FCHSD1: variants seen among roughly 807,000 people sequenced by gnomAD.
The protein encoded by FCHSD1 is FCH and double SH3 domains 1.
Under a neutral mutation model 101.3 loss-of-function variants are expected in FCHSD1, and 109 were observed. The ratio of observed to expected loss-of-function variants is 1.08; its 90% CI spans 0.92 to 1.26. The LOEUF is 1.26. FCHSD1 is among the 50% of genes most tolerant of loss of function. The pLI is 0.00. For missense variants in FCHSD1, 820 were observed against 895.8 expected, an observed-to-expected ratio of 0.92 and a Z score of 1.08; for synonymous variants, 291 against 356.8, an observed-to-expected ratio of 0.82 and a Z score of 2.08.
At chr5:141,646,508 C>T (rs763040986) in intron 11 of FCHSD1, 95 bp downstream of exon 11, 15 of 1,494,870 alleles carry the variant, frequency 1.0e-5, no homozygotes, top group African/African-American at 1.4e-5. Context: ...CCCTCTGTAG[C>T]TCCATGACAC....
In FCHSD1 at chr5:141,649,062, G is replaced by A. The variant is rs201374942; in HGVS notation, c.513-42C>T. 2 of 1,613,876 alleles carry A rather than the reference G, an allele frequency of 1.2e-6. No individual in the cohort carries two copies. Among genetic ancestry groups the A allele is most frequent in the African/African-American group, 1.3e-5 (1 of 75,004 alleles). Reference sequence around the variant, plus strand: ...AAGGAGTCAGGCCCACCCCAAGTGGGAGAATATGAGATCAGAGTCAGGCCC... The same window carrying A: ...AAGGAGTCAGGCCCACCCCAAGTGGAAGAATATGAGATCAGAGTCAGGCCC... On this transcript the variant is annotated intron_variant, in intron 6 of 19. Coordinates refer to ENST00000435817, the MANE Select transcript of FCHSD1 (RefSeq NM_033449.3). This position sits in a 1 kb window ranked among gnomAD's most constrained non-coding sequence, Gnocchi z 4.1.
chr5:141,648,731 C>T (rs1304477905), intron 7 of FCHSD1, among the ~76,000 whole-genome samples: 2 of 152,106 alleles, frequency 1.3e-5, no homozygotes, highest in South Asian at 2.1e-4. Context: ...TATACAGATC[C>T]TCAATAAATG....
chr5:141,650,483 T>G, intron 2 of FCHSD1, 79 bp from the exon 3 acceptor site: 3 of 1,591,358 alleles, frequency 1.9e-6, no homozygotes, highest in Non-Finnish European at 2.6e-6. Flanking sequence ...AGTCCTCTAC[T>G]CTGGGCAGGA....
chr5:141,647,282 C>T (rs369341926), intron 9 of FCHSD1, 52 bp from the exon 10 acceptor site: 4 of 1,573,664 alleles, frequency 2.5e-6, no homozygotes, highest in African/African-American at 1.3e-5. Context: ...ACTCTCCAAC[C>T]CTGTCCCTAG....
At position 141,644,371 on chromosome 5, in the gene FCHSD1, C is replaced by T. The variant is rs1452443212; in HGVS notation, c.1710G>A (p.Gly570=). The change falls in exon 17 of 20, where the codon GGG becomes GGA. Residue 570 remains glycine (G), a synonymous_variant. Coordinates refer to ENST00000435817, the MANE Select transcript of FCHSD1 (RefSeq NM_033449.3). ...CCCGGGGCAGCAGACGGATGAGTGC[C>T]CCCTCAGGGAAGCTCAGCTCCTCTG... is the stretch of plus-strand genomic sequence containing the variant. ...QSAEELSFPE[G]ALIRLLPRAQ... 4 of 1,613,946 alleles carry T rather than the reference C, an allele frequency of 2.5e-6. No individual in the cohort carries two copies. Among genetic ancestry groups the T allele is most frequent in the Non-Finnish European group, 3.4e-6 (4 of 1,179,870 alleles).
At chr5:141,651,316 C>G (rs1170815690) in intron 1 of FCHSD1, 32 bp downstream of exon 1, 1 of 1,552,654 alleles carries the variant, frequency 6.4e-7, no homozygotes. Context: ...TCCCCCAGCC[C>G]GCCAGGAGTC....
intron 12 of FCHSD1, 24 bp from the exon 13 acceptor site, chr5:141,645,956 A>T: frequency 6.4e-7 from 1 of 1,553,222 alleles, no homozygotes. Context: ...GAAGTAAGTT[A>T]GTGGAACCTG....
chr5:141,650,334 T>G (rs1363521851), intron 3 of FCHSD1, 25 bp downstream of exon 3: 1 of 1,613,562 alleles, frequency 6.2e-7, no homozygotes, highest in Non-Finnish European at 8.5e-7. Context: ...GAACAAGAGG[T>G]AAGGTCCAGA....
At position 141,641,507 on chromosome 5, in the gene FCHSD1, G is replaced by A; in HGVS notation, c.2064C>T (p.Pro688=). The change falls in exon 20 of 20, where the codon CCC becomes CCT. Residue 688 remains proline (P), a synonymous_variant. Transcript: ENST00000435817. ...AAGGCTTCCCTGGCCTTCAGGTGAG[G>A]GGATCTGGGTGGCCAGGATCCGGGG... ...AKAPDPGHPD[P]LT The A allele has an allele frequency of 1.3e-6, 2 of 1,498,114 alleles. No homozygotes were observed. The highest frequency in any genetic ancestry group is 1.8e-6 in the Non-Finnish European group (2 of 1,124,320). 92.8% of individuals were successfully genotyped at this position (1,498,114 alleles called of 1,614,324 possible).
Position 141,650,281 on chromosome 5 carries a change from G to A in FCHSD1, c.165+78C>T, listed in dbSNP as rs2099908207. On this transcript the variant is annotated intron_variant, in intron 3 of 19. Coordinates refer to ENST00000435817, the MANE Select transcript of FCHSD1 (RefSeq NM_033449.3). ...AGGCATCTGCTCTTGACCACAATAGGGATAGGTATGGACAGACATTACTGG... is the reference window on the plus strand; with the variant it reads ...AGGCATCTGCTCTTGACCACAATAGAGATAGGTATGGACAGACATTACTGG... 1.9e-6 allele frequency: 3 copies of A among 1,578,016 alleles called. No homozygotes were observed. In the East Asian group the frequency reaches 6.7e-5, roughly 35 times the overall value.
At position 141,648,989 on chromosome 5, in the gene FCHSD1, A is replaced by C. The variant is rs750999645; in HGVS notation, c.544T>G (p.Ser182Ala). The C allele has an allele frequency of 3.7e-6, 6 of 1,613,738 alleles. No homozygotes were observed. In the African/African-American group the frequency reaches 8.0e-5, roughly 22 times the overall value. ...LNRSDHGIFHSRTSLQKLSTK... is the reference protein window; with the variant it reads ...LNRSDHGIFHARTSLQKLSTK... ...CTCAGTTTCTGGAGACTGGTCCGAGAGTGGAAGATCCCATGGTCACTTCGG... is the reference window on the plus strand; with the variant it reads ...CTCAGTTTCTGGAGACTGGTCCGAGCGTGGAAGATCCCATGGTCACTTCGG... The change falls in exon 7 of 20, where the codon TCT (serine) becomes GCT (alanine). Residue 182 changes from serine to alanine, a missense_variant. Physicochemically the swap from Ser to Ala is moderately conservative, Grantham distance 99. Coordinates refer to ENST00000435817, the MANE Select transcript of FCHSD1 (RefSeq NM_033449.3).
chr5:141,651,126 G>A lies in FCHSD1; in HGVS notation c.22-9C>T. 2.5e-6 allele frequency: 4 copies of A among 1,575,668 alleles called. No homozygotes were observed. Among genetic ancestry groups the A allele is most frequent in the South Asian group, 1.2e-5 (1 of 86,004 alleles). ...TCCTGGGCCGGCTTCACCTGTGGGG[G>A]CAAAGAGAGGATGAAGACCCCAGCG... On this transcript the variant is annotated splice_polypyrimidine_tract_variant and intron_variant, in intron 1 of 19. Coordinates refer to ENST00000435817, the MANE Select transcript of FCHSD1 (RefSeq NM_033449.3).
chr5:141,647,578 A>G, intron 8 of FCHSD1, 58 bp from the exon 9 acceptor site: 1 of 1,594,168 alleles, frequency 6.3e-7, no homozygotes, highest in South Asian at 1.1e-5. Context: ...ACTGTAAAAT[A>G]GGCTCGTTCC....
chr5:141,643,848 CAAA>C (rs56206715), intron 17 of FCHSD1, among the ~76,000 whole-genome samples: 1 of 125,030 alleles, frequency 8.0e-6, no homozygotes, highest in East Asian at 2.5e-4. Context: ...AACTCTGTCT[CAAA>C]AAAAAAAAAA....
chr5:141,640,702 G>C lies in FCHSD1; in HGVS notation c.*796C>G, dbSNP rs1195971848. On this transcript the variant is annotated 3_prime_UTR_variant, in exon 20 of 20. Transcript: ENST00000435817. ...TCATTGTGCTGATGGACTACCAGCT[G>C]GCAGGGCCAGGGGGTGGGTGGGCGT... 2 of 1,533,168 alleles carry C rather than the reference G, an allele frequency of 1.3e-6. No homozygotes were observed. The highest frequency in any genetic ancestry group is 2.4e-5 in the South Asian group (2 of 83,612). 95.0% of individuals were successfully genotyped at this position (1,533,168 alleles called of 1,614,324 possible). A position where few individuals can be genotyped will look rare whatever the true frequency, so the allele number is the denominator to read the frequency against.
chr5:141,645,800 G>C lies in FCHSD1; in HGVS notation c.1282C>G (p.Arg428Gly). ...GGAGAGAGGTCCCTCTGGGACAGCC[G>C]AGCCTCACTGAGCCGCCGCTCCTGC... Reference protein sequence around the residue: ...VEQERRLSEARLSQRDLSPTA... With the variant: ...VEQERRLSEAGLSQRDLSPTA... The change falls in exon 13 of 20, where the codon CGG becomes GGG. Residue 428 changes from arginine (R) to glycine (G), a missense_variant. Physicochemically the swap from Arg to Gly is moderately radical, Grantham distance 125. Coordinates refer to ENST00000435817, the MANE Select transcript of FCHSD1 (RefSeq NM_033449.3). 6.2e-7 allele frequency: 1 copy of C among 1,609,760 alleles called. No individual in the cohort carries two copies. The highest frequency in any genetic ancestry group is 8.5e-7 in the Non-Finnish European group (1 of 1,178,336).
Position 141,649,995 on chromosome 5 carries a change from GA to G in FCHSD1, c.166-42del. On this transcript the variant is annotated intron_variant, in intron 3 of 19. Transcript: ENST00000435817. The surrounding 1 kb of genome is among the most constrained non-coding windows in gnomAD (Gnocchi z 4.1). ...TCACAGAACCAAGTTCCCTTTCAAAGACCCACCCCAACTGGCAGAATATGAC... is the reference window on the plus strand; with the variant it reads ...TCACAGAACCAAGTTCCCTTTCAAAGCCCACCCCAACTGGCAGAATATGAC... 6.6e-7 allele frequency: 1 copy of G among 1,513,620 alleles called. No individual in the cohort carries two copies. The highest frequency in any genetic ancestry group is 1.3e-5 in the South Asian group (1 of 79,142). 93.8% of individuals were successfully genotyped at this position (1,513,620 alleles called of 1,614,324 possible). A position where few individuals can be genotyped will look rare whatever the true frequency, so the allele number is the denominator to read the frequency against.
At position 141,643,230 on chromosome 5, in the gene FCHSD1, A is replaced by G. The variant is rs551710082; in HGVS notation, c.1864-142T>C. ...ATGCTTGCATTCGGTGGGGGGGTGT[A>G]GCTGACAAATATTTCAACAGCCAAT... On this transcript the variant is annotated intron_variant, in intron 17 of 19. Transcript: ENST00000435817. 11 of 560,056 alleles carry G rather than the reference A, an allele frequency of 2.0e-5. No individual in the cohort carries two copies. The African/African-American group carries it at 2.0e-4, about 10-fold the overall frequency. The allele number at this position is 560,056 out of a possible 1,614,324, so 34.7% of individuals were successfully genotyped here. A position where few individuals can be genotyped will look rare whatever the true frequency, so the allele number is the denominator to read the frequency against.
chr5:141,647,964 T>C lies in FCHSD1; in HGVS notation c.705+4A>G, dbSNP rs370287330. 9 of 1,612,552 alleles carry C rather than the reference T, an allele frequency of 5.6e-6. No individual in the cohort carries two copies. Among genetic ancestry groups the C allele is most frequent in the Non-Finnish European group, 7.6e-6 (9 of 1,179,326 alleles). Reference sequence around the variant, plus strand: ...GGGATAGGGGTGTCTGGGTTAAAACTGGCCTTGAGCAGAGCTGGCAGTTCC... The same window carrying C: ...GGGATAGGGGTGTCTGGGTTAAAACCGGCCTTGAGCAGAGCTGGCAGTTCC... On this transcript the variant is annotated splice_donor_region_variant and intron_variant, in intron 8 of 19. Coordinates refer to ENST00000435817, the MANE Select transcript of FCHSD1 (RefSeq NM_033449.3).
Sources: gnomAD v4.1 joint callset for allele counts (sites outside exome capture counted in the v4.1 genomes callset) on GRCh38, gnomAD v4.1.1 for gene constraint, Gnocchi (gnomAD v3.1) non-coding constraint, MANE v1.5 for transcripts, NCBI Gene and HGNC (gene_info 2026-07-23, HGNC 2026-07-21) for gene names.